YIPF4: variants seen among roughly 807,000 people sequenced by gnomAD.
YIPF4 encodes the protein protein YIPF4.
A neutral mutation model predicts 29.4 loss-of-function variants in YIPF4; 18 were observed. That is an observed-to-expected ratio of 0.61 (90% confidence interval 0.42 to 0.91). YIPF4 has a LOEUF of 0.91. YIPF4 is among the 40% of genes least tolerant of loss of function. The pLI is 0.00. For synonymous variants in YIPF4, 115 were observed against 104.7 expected, an observed-to-expected ratio of 1.10 and a Z score of -0.60; for missense variants, 279 against 282.7, an observed-to-expected ratio of 0.99 and a Z score of 0.09.
chr2:32,284,138 G>A (rs2030554152), intron 1 of YIPF4, among the ~76,000 whole-genome samples: 2 of 152,130 alleles, frequency 1.3e-5, no homozygotes, highest in African/African-American at 4.8e-5. Flanking sequence ...ACTATTATAA[G>A]TACTGGGGAT....
At position 32,305,616 on chromosome 2, in the gene YIPF4, C is replaced by G. The variant is rs942509097; in HGVS notation, c.725C>G (p.Thr242Ser). The change falls in exon 6 of 6, where the codon ACT (threonine) becomes AGT (serine). Residue 242 changes from threonine (T) to serine (S), a missense_variant. Physicochemically the swap from Thr to Ser is moderately conservative, Grantham distance 58 (BLOSUM62 1). Transcript: ENST00000238831. ...LLYIYFLSLYTGV is the reference protein window; with the variant it reads ...LLYIYFLSLYSGV The stretch of plus-strand genomic sequence containing the variant: ...TACATTTATTTTTTGTCGTTATATA[C>G]TGGTGTGTGATCCAAGTTATACATG... 4 of 1,595,328 alleles carry G rather than the reference C, an allele frequency of 2.5e-6. No individual in the cohort carries two copies. Among genetic ancestry groups the G allele is most frequent in the African/African-American group, 2.7e-5 (2 of 73,952 alleles).
chr2:32,287,482 A>C (rs968313197), intron 1 of YIPF4, among the ~76,000 whole-genome samples: 7 of 152,150 alleles, frequency 4.6e-5, no homozygotes, highest in Admixed American at 4.6e-4. Context: ...AGAATGTGTC[A>C]AGTGCCACAA....
intron 3 of YIPF4, among the ~76,000 whole-genome samples, chr2:32,294,021 G>A (rs2031053150): frequency 6.7e-6 from 1 of 149,180 alleles, no homozygotes; most frequent in African/African-American, 2.5e-5. Flanking sequence ...CCCGGACAGG[G>A]CGGCTGGCCG....
chr2:32,302,189 C>G (rs989199703), intron 5 of YIPF4, among the ~76,000 whole-genome samples: 12 of 151,814 alleles, frequency 7.9e-5, no homozygotes, highest in African/African-American at 2.7e-4. Context: ...CACCACCACA[C>G]CTAGCTAATT....
intron 3 of YIPF4, among the ~76,000 whole-genome samples, chr2:32,296,494 A>C (rs1010637720): frequency 3.3e-5 from 5 of 151,712 alleles, no homozygotes; most frequent in East Asian, 1.9e-4. Context: ...AGGAAAAAAA[A>C]CCCCAGAAGA....
At chr2:32,298,337 C>G in intron 4 of YIPF4, 26 bp downstream of exon 4, 1 of 1,546,950 alleles carries the variant, frequency 6.5e-7, no homozygotes, top group Non-Finnish European at 8.9e-7. Context: ...TGAAAATAAT[C>G]TTCCTTATTT....
At chr2:32,298,111 TA>T in intron 3 of YIPF4, 122 bp from the exon 4 acceptor site, 1 of 672,150 alleles carries the variant, frequency 1.5e-6, no homozygotes, top group Non-Finnish European at 2.6e-6. Context: ...AGAGCCCACA[TA>T]ATCTCTCTAT....
intron 5 of YIPF4, 34 bp from the exon 6 acceptor site, chr2:32,305,455 A>G (rs779994131): frequency 2.8e-6 from 4 of 1,454,200 alleles, no homozygotes; most frequent in Non-Finnish European, 2.7e-6. Context: ...ACTTGCTAAT[A>G]TGCTGCCTTT....
In YIPF4 at chr2:32,316,164, T is replaced by C. The variant is rs1027437787; in HGVS notation, c.*10538T>C. ...GAACTACAAATTGGGGAAAAATATTTGTAGGACTTATGTAGACAAAGGACT... is the reference window on the plus strand; with the variant it reads ...GAACTACAAATTGGGGAAAAATATTCGTAGGACTTATGTAGACAAAGGACT... On this transcript the variant is annotated 3_prime_UTR_variant, in exon 6 of 6. Coordinates refer to ENST00000238831, the MANE Select transcript of YIPF4 (RefSeq NM_032312.4). 31 of 152,136 alleles carry C rather than the reference T, an allele frequency of 2.0e-4. No homozygotes were observed. The highest frequency in any genetic ancestry group is 2.0e-3 in the Admixed American group (30 of 15,268). 9.4% of individuals were successfully genotyped at this position (152,136 alleles called of 1,614,324 possible).
At chr2:32,289,987 GAATA>G (rs756118634) in intron 1 of YIPF4, among the ~76,000 whole-genome samples, 95 of 151,976 alleles carry the variant, frequency 6.3e-4, no homozygotes, top group Non-Finnish European at 1.1e-3. Context: ...AAGAATATAT[GAATA>G]AATAAATACA....
chr2:32,280,991 TA>T (rs1168188431), intron 1 of YIPF4, among the ~76,000 whole-genome samples: 1 of 152,170 alleles, frequency 6.6e-6, no homozygotes, highest in East Asian at 1.9e-4. Context: ...CCTGAGGAAT[TA>T]CTTTTTTTAA....
rs920485241 is a variant in YIPF4 at position 32,315,552 on chromosome 2, A to T, written c.*9926A>T. On this transcript the variant is annotated 3_prime_UTR_variant, in exon 6 of 6. Transcript: ENST00000238831. ...ATCCTGAGGTCAGGAGATCGAGACCATCCTGGTTAACGTGGTGAAACCCCG... is the reference window on the plus strand; with the variant it reads ...ATCCTGAGGTCAGGAGATCGAGACCTTCCTGGTTAACGTGGTGAAACCCCG... The T allele has an allele frequency of 6.6e-6, 1 of 152,182 alleles. No homozygotes were observed. The highest frequency in any genetic ancestry group is 2.4e-5 in the African/African-American group (1 of 41,418). 9.4% of individuals were successfully genotyped at this position (152,182 alleles called of 1,614,324 possible).
chr2:32,306,087 TCA>T lies in YIPF4; in HGVS notation c.*464_*465del, dbSNP rs2031573060. The T allele has an allele frequency of 2.5e-6, 2 of 794,026 alleles. No individual in the cohort carries two copies. Among genetic ancestry groups the T allele is most frequent in the Admixed American group, 1.3e-4 (2 of 15,962 alleles). The allele number at this position is 794,026 out of a possible 1,614,324, so 49.2% of individuals were successfully genotyped here. On this transcript the variant is annotated 3_prime_UTR_variant, in exon 6 of 6. Transcript: ENST00000238831. ...TATATATTTATGAAATAATTCTTAC[TCA>T]CAAAATATATTTCTGATAAACATTA... is the stretch of plus-strand genomic sequence containing the variant.
At chr2:32,289,474 C>G (rs926996508) in intron 1 of YIPF4, among the ~76,000 whole-genome samples, 2 of 152,164 alleles carry the variant, frequency 1.3e-5, no homozygotes, top group African/African-American at 2.4e-5. Context: ...AGGTATCTAT[C>G]TGTGTTAGAG....
intron 3 of YIPF4, among the ~76,000 whole-genome samples, chr2:32,295,924 C>G (rs1382589931): frequency 6.6e-6 from 1 of 152,096 alleles, no homozygotes; most frequent in Non-Finnish European, 1.5e-5. Context: ...CTTTTAAGGA[C>G]AATTGTTACT....
Position 32,307,236 on chromosome 2 carries a change from C to T in YIPF4, c.*1610C>T, listed in dbSNP as rs901851757. 2.2e-6 allele frequency: 2 copies of T among 905,148 alleles called. No homozygotes were observed. The highest frequency in any genetic ancestry group is 1.8e-5 in the African/African-American group (1 of 55,066). The allele number at this position is 905,148 out of a possible 1,614,324, so 56.1% of individuals were successfully genotyped here. A position where few individuals can be genotyped will look rare whatever the true frequency, so the allele number is the denominator to read the frequency against. ...ACTTAAGAAATTGCTGAGGTTAATA[C>T]TTTGTTATAATGGATTATAATATTT... On this transcript the variant is annotated 3_prime_UTR_variant, in exon 6 of 6. Transcript: ENST00000238831.
intron 1 of YIPF4, among the ~76,000 whole-genome samples, chr2:32,288,708 G>A (rs755986600): frequency 2.6e-5 from 4 of 152,166 alleles, no homozygotes; most frequent in Admixed American, 6.6e-5. Flanking sequence ...TACTCAGGAG[G>A]CCGAGGCAGG....
Position 32,309,192 on chromosome 2 carries a change from C to G in YIPF4, c.*3566C>G, listed in dbSNP as rs1439134054. On this transcript the variant is annotated 3_prime_UTR_variant, in exon 6 of 6. Coordinates refer to ENST00000238831, the MANE Select transcript of YIPF4 (RefSeq NM_032312.4). ...TAATGTGTCCATTTCCAGGAATTCC[C>G]CAAATACTCATACAGCCATTGAGCA... The G allele has an allele frequency of 6.6e-6, 1 of 152,024 alleles. No homozygotes were observed. Among genetic ancestry groups the G allele is most frequent in the African/African-American group, 2.4e-5 (1 of 41,382 alleles). 9.4% of individuals were successfully genotyped at this position (152,024 alleles called of 1,614,324 possible). A position where few individuals can be genotyped will look rare whatever the true frequency, so the allele number is the denominator to read the frequency against.
intron 2 of YIPF4, among the ~76,000 whole-genome samples, chr2:32,291,902 G>A (rs2030934975): frequency 6.6e-6 from 1 of 152,130 alleles, no homozygotes; most frequent in Admixed American, 6.5e-5. Flanking sequence ...CCAGGAGACT[G>A]GCAAAAGGAA....
Sources: gnomAD v4.1 joint callset for allele counts (sites outside exome capture counted in the v4.1 genomes callset) on GRCh38, gnomAD v4.1.1 for gene constraint, MANE v1.5 for transcripts, NCBI Gene and HGNC (gene_info 2026-07-23, HGNC 2026-07-21) for gene names.